The following HECW2 variants were observed in gnomAD, a reference collection of about 807,000 sequenced individuals.
HECW2 encodes the protein HECT, C2 and WW domain containing E3 ubiquitin protein ligase 2.
Under a neutral mutation model 175.2 loss-of-function variants are expected in HECW2, and 61 were observed. The observed-to-expected ratio is 0.35, with a 90% CI of 0.28 to 0.43. The LOEUF (loss-of-function observed/expected upper bound fraction) is 0.43. Among genes scored for constraint, HECW2 ranks in the 20% least tolerant of loss-of-function variants. The pLI, the probability that HECW2 is intolerant of heterozygous loss-of-function variation, is 1.00. For synonymous variants in HECW2, 671 were observed against 731.0 expected, an observed-to-expected ratio of 0.92 and a Z score of 1.32; for missense variants, 1,524 against 2,000.5, an observed-to-expected ratio of 0.76 and a Z score of 4.54.
chr2:196,382,616 A>G (rs775581643), intron 2 of HECW2, among the ~76,000 whole-genome samples: 2 of 152,178 alleles, frequency 1.3e-5, no homozygotes, highest in African/African-American at 2.4e-5. Context: ...AACATGAAAA[A>G]GGATAGAATG....
intron 2 of HECW2, among the ~76,000 whole-genome samples, chr2:196,412,787 G>A (rs1695150426): frequency 6.6e-6 from 1 of 152,154 alleles, no homozygotes; most frequent in Non-Finnish European, 1.5e-5. Context: ...AAAATAGAAA[G>A]TAAATTTAAA....
chr2:196,213,059 C>T (rs552587075), intron 28 of HECW2, among the ~76,000 whole-genome samples: 2 of 152,188 alleles, frequency 1.3e-5, no homozygotes, highest in Non-Finnish European at 2.9e-5. Flanking sequence ...ATAAAAGAAT[C>T]TCTTTAGGCC....
intron 1 of HECW2, among the ~76,000 whole-genome samples, chr2:196,533,506 T>C (rs1688915810): frequency 6.6e-6 from 1 of 152,150 alleles, no homozygotes; most frequent in Non-Finnish European, 1.5e-5. Flanking sequence ...AATTCTCAAT[T>C]CTTCCTCCAC....
At chr2:196,455,459 A>C (rs1696478124) in intron 1 of HECW2, among the ~76,000 whole-genome samples, 1 of 152,254 alleles carries the variant, frequency 6.6e-6, no homozygotes, top group African/African-American at 2.4e-5. Context: ...TTCTAAAACA[A>C]AGGTGAGTGA....
In HECW2 at chr2:196,319,475, A is replaced by T; in HGVS notation, c.1415T>A (p.Phe472Tyr). ...HIDSDEEDHE[F>Y]QQDLGYPSSL... ...AGATGGGTAACCCAGGTCTTGCTGG[A>T]ACTCGTGATCTTCTTCATCTGAATC... is the stretch of plus-strand genomic sequence containing the variant. Residue 472 changes from phenylalanine (F) to tyrosine (Y), a missense_variant, in exon 9 of 29, where the codon TTC becomes TAC. Physicochemically the swap from Phe to Tyr is conservative, Grantham distance 22. This residue lies in a region of HECW2 where 604 missense variants were observed against 588.3 expected (regional missense o/e 1.03). Coordinates refer to ENST00000644978, the MANE Select transcript of HECW2 (RefSeq NM_001348768.2). 6.2e-7 allele frequency: 1 copy of T among 1,614,096 alleles called. No homozygotes were observed. Among genetic ancestry groups the T allele is most frequent in the Non-Finnish European group, 8.5e-7 (1 of 1,180,020 alleles).
intron 1 of HECW2, among the ~76,000 whole-genome samples, chr2:196,440,521 A>G (rs1696007459): frequency 6.6e-6 from 1 of 152,186 alleles, no homozygotes; most frequent in Admixed American, 6.5e-5. Context: ...TTTTATACCT[A>G]AAATTTGAGT....
chr2:196,522,933 T>A (rs925404877), intron 1 of HECW2, among the ~76,000 whole-genome samples: 47 of 152,316 alleles, frequency 3.1e-4, no homozygotes, highest in Middle Eastern at 3.4e-3. Flanking sequence ...CTTTGTTCTT[T>A]TGACTTAGGA....
chr2:196,430,011 C>G (rs1364797185), intron 2 of HECW2, among the ~76,000 whole-genome samples: 1 of 152,056 alleles, frequency 6.6e-6, no homozygotes, highest in African/African-American at 2.4e-5. Context: ...GAGCTACAGC[C>G]CAGCCAGAGT....
intron 2 of HECW2, among the ~76,000 whole-genome samples, chr2:196,359,523 T>C (rs959596928): frequency 1.3e-5 from 2 of 152,218 alleles, no homozygotes; most frequent in Non-Finnish European, 2.9e-5. Flanking sequence ...TCTCTTTTAA[T>C]AGTAAGTGAA....
rs568306484 is a variant in HECW2 at position 196,456,825 on chromosome 2, G to A, written c.-35-23367C>T. On this transcript the variant is annotated intron_variant, in intron 1 of 28. Transcript: ENST00000644978. Reference sequence around the variant, plus strand: ...AAAACATACCAATTCAACAAAACTAGCCCACAGAGCAGTTATAGTACCTTA... The same window carrying A: ...AAAACATACCAATTCAACAAAACTAACCCACAGAGCAGTTATAGTACCTTA... 3.3e-5 allele frequency among the ~76,000 whole-genome samples: 5 copies of A among 152,234 alleles called. No individual in the cohort carries two copies. In the East Asian group the frequency reaches 7.7e-4, roughly 23 times the overall value.
rs556734568 is a variant in HECW2, at chr2:196,324,867, A to G, written c.741+113T>C. The G allele has an allele frequency of 3.8e-6, 3 of 782,436 alleles. No homozygotes were observed. In the Admixed American group the frequency reaches 8.4e-5, roughly 22 times the overall value. 48.5% of individuals were successfully genotyped at this position (782,436 alleles called of 1,614,324 possible). On this transcript the variant is annotated intron_variant, in intron 6 of 28. Coordinates refer to ENST00000644978, the MANE Select transcript of HECW2 (RefSeq NM_001348768.2). ...CATTCTCATTGTACCCCTTCCCAGC[A>G]GAACCCCTAGACACTTCATAAACAA...
At chr2:196,510,964 G>GTTGT (rs149253270) in intron 1 of HECW2, among the ~76,000 whole-genome samples, 12 of 152,008 alleles carry the variant, frequency 7.9e-5, no homozygotes, top group African/African-American at 1.2e-4. Flanking sequence ...TGGGTTTGCT[G>GTTGT]TTGTTTGTTT....
chr2:196,450,452 A>C (rs1339068081), intron 1 of HECW2, among the ~76,000 whole-genome samples: 3 of 151,534 alleles, frequency 2.0e-5, no homozygotes, highest in Non-Finnish European at 4.4e-5. Flanking sequence ...AAATCTACTG[A>C]TCATAAGCCA....
intron 2 of HECW2, among the ~76,000 whole-genome samples, chr2:196,359,177 C>T (rs554897148): frequency 7.9e-5 from 12 of 152,288 alleles, no homozygotes; most frequent in East Asian, 7.7e-4. Context: ...AGGCCAGGCA[C>T]GGTGGCTCAT....
intron 1 of HECW2, among the ~76,000 whole-genome samples, chr2:196,457,158 G>A (rs979178460): frequency 6.6e-6 from 1 of 152,176 alleles, no homozygotes; most frequent in Non-Finnish European, 1.5e-5. Flanking sequence ...ACGTTTTGGA[G>A]AGATACTACA....
At chr2:196,305,438 A>G (rs78666368) in intron 13 of HECW2, among the ~76,000 whole-genome samples, 10,660 of 152,234 alleles carry the variant, frequency 0.07, 430 homozygotes, top group East Asian at 0.13. Context: ...AAATATTAAC[A>G]TAAGTAAATA....
rs538816870 is a variant in HECW2, at chr2:196,312,586, C to A, written c.2435-4501G>T. On this transcript the variant is annotated intron_variant, in intron 10 of 28. Coordinates refer to ENST00000644978, the MANE Select transcript of HECW2 (RefSeq NM_001348768.2). The stretch of plus-strand genomic sequence containing the variant: ...AGGACGGTAGGTCCATTTCCCCATA[C>A]GGAGTTGCGGTCAGTGATTGAAAGG... Among the ~76,000 whole-genome samples the A allele has an allele frequency of 3.3e-5, 5 of 152,218 alleles. No individual in the cohort carries two copies. The South Asian group carries it at 8.3e-4, about 25-fold the overall frequency.
At chr2:196,580,183 G>A (rs1284547501) in intron 1 of HECW2, among the ~76,000 whole-genome samples, 1 of 152,034 alleles carries the variant, frequency 6.6e-6, no homozygotes, top group Non-Finnish European at 1.5e-5. Flanking sequence ...AAAATACATG[G>A]GCAAAAACTG....
At chr2:196,320,139 G>C (rs763115895) in intron 8 of HECW2, among the ~76,000 whole-genome samples, 200 bp downstream of exon 8, 13 of 152,138 alleles carry the variant, frequency 8.5e-5, no homozygotes, top group Non-Finnish European at 1.9e-4. Flanking sequence ...CAAAATGCAG[G>C]CATCAATCTA....
Sources: gnomAD v4.1 joint callset for allele counts (sites outside exome capture counted in the v4.1 genomes callset) on GRCh38, gnomAD v4.1.1 for gene constraint, gnomAD v4.1.1 regional missense constraint, MANE v1.5 for transcripts, NCBI Gene and HGNC (gene_info 2026-07-23, HGNC 2026-07-21) for gene names.